Variants in ZFYVE26 observed in about 807,000 individuals in gnomAD.
ZFYVE26 encodes zinc finger FYVE-type containing 26, also known as zinc finger FYVE domain-containing protein 26.
A neutral mutation model predicts 276.5 loss-of-function variants in ZFYVE26; 181 were observed. The ratio of observed to expected loss-of-function variants is 0.65; its 90% CI spans 0.58 to 0.74. The LOEUF (loss-of-function observed/expected upper bound fraction) is 0.74. Ranked by LOEUF, ZFYVE26 falls within the 30% of genes least tolerant of loss-of-function variation. The pLI, the probability that ZFYVE26 is intolerant of heterozygous loss-of-function variation, is 0.00. For missense variants in ZFYVE26, 2,821 were observed against 3,097.9 expected (o/e 0.91, Z 2.12); for synonymous variants, 1,129 against 1,203.1 (o/e 0.94, Z 1.27).
intron 12 of ZFYVE26, among the ~76,000 whole-genome samples, chr14:67,795,313 G>A (rs908048162): frequency 2.0e-5 from 3 of 152,148 alleles, no homozygotes; most frequent in Non-Finnish European, 4.4e-5. Context: ...TTTCTCTCAC[G>A]GCATCCTCCG....
rs774549352 is a variant in ZFYVE26 at position 67,785,184 on chromosome 14, A to T, written c.3398T>A (p.Leu1133His). The T allele has an allele frequency of 6.2e-7, 1 of 1,614,028 alleles. No homozygotes were observed. The highest frequency in any genetic ancestry group is 1.1e-5 in the South Asian group (1 of 91,076). ...EAHPVQIQTQ[L>H]LQKNLGKQTP... ...CTGTTTGCCCAGGTTCTTCTGGAGG[A>T]GCTGAGTCTGGATCTGCACAGGGTG... The change falls in exon 19 of 42, where the codon CTC (leucine) becomes CAC (histidine). Residue 1133 changes from leucine (L) to histidine (H), a missense_variant. Transcript: ENST00000347230.
Position 67,757,817 on chromosome 14 carries a change from C to T in ZFYVE26, c.6589-1672G>A, listed in dbSNP as rs534858957. ...GCAACCTCCGCCTCCTGGGTTCAAG[C>T]GATTCTCCTGCCTCAGCCTCCCAAG... On this transcript the variant is annotated intron_variant, in intron 35 of 41. Coordinates refer to ENST00000347230, the MANE Select transcript of ZFYVE26 (RefSeq NM_015346.4). Among the ~76,000 whole-genome samples, 573 of 152,182 alleles carry T rather than the reference C, an allele frequency of 3.8e-3. 2 individuals carry two copies. The highest frequency in any genetic ancestry group is 0.013 in the African/African-American group (536 of 41,534).
chr14:67,744,323 G>A (rs565189907), downstream of ZFYVE26, among the ~76,000 whole-genome samples: 39 of 152,086 alleles, frequency 2.6e-4, no homozygotes, highest in Non-Finnish European at 4.6e-4. Context: ...TTTGTGCTAC[G>A]TCTACTACCA....
chr14:67,754,957 A>G, intron 37 of ZFYVE26, 94 bp downstream of exon 37: 1 of 1,413,220 alleles, frequency 7.1e-7, no homozygotes, highest in Non-Finnish European at 1.0e-6. Context: ...TTTTTTCAGG[A>G]TTCAAGGAAT....
chr14:67,777,869 T>C (rs1345052666), intron 24 of ZFYVE26, 134 bp from the exon 25 acceptor site: 5 of 1,213,028 alleles, frequency 4.1e-6, no homozygotes, highest in Non-Finnish European at 2.4e-6. Context: ...TTTTTTTTTT[T>C]AACCACCTCT....
At chr14:67,768,390 G>C in intron 30 of ZFYVE26, 127 bp downstream of exon 30, 1 of 1,055,652 alleles carries the variant, frequency 9.5e-7, no homozygotes, top group South Asian at 1.3e-5. Flanking sequence ...CCAAGAATTT[G>C]CTTTGGCAAA....
At chr14:67,775,225 G>T in intron 26 of ZFYVE26, 111 bp from the exon 27 acceptor site, 1 of 707,528 alleles carries the variant, frequency 1.4e-6, no homozygotes, top group African/African-American at 1.8e-5. Context: ...GTCATTCCAT[G>T]ACTCTACTAG....
Position 67,789,357 on chromosome 14 carries a change from C to A in ZFYVE26, c.2997G>T (p.Leu999Phe), listed in dbSNP as rs756442572. ...KQLLETAERRLNSSLERRGRR... is the reference protein window; with the variant it reads ...KQLLETAERRFNSSLERRGRR... ...CACCCCGCCTTTCAAGGCTACTATT[C>A]AAACGCCGTTCGGCTGTCTCCAAAA... Residue 999 changes from leucine (L) to phenylalanine (F), a missense_variant, in exon 16 of 42, where the codon TTG (leucine) becomes TTT (phenylalanine). Coordinates refer to ENST00000347230, the MANE Select transcript of ZFYVE26 (RefSeq NM_015346.4). 2 of 1,614,202 alleles carry A rather than the reference C, an allele frequency of 1.2e-6. No homozygotes were observed. The highest frequency in any genetic ancestry group is 8.5e-7 in the Non-Finnish European group (1 of 1,180,048).
At position 67,785,842 on chromosome 14, in the gene ZFYVE26, G is replaced by A. The variant is rs761787362; in HGVS notation, c.3304+16C>T. The A allele has an allele frequency of 3.7e-6, 6 of 1,613,954 alleles. No individual in the cohort carries two copies. In the South Asian group the frequency reaches 5.5e-5, roughly 15 times the overall value. Reference sequence around the variant, plus strand: ...CAGTTCAGCTTTTATTTGTTCCCAAGCAGACAGCCTTATACCTGGCAGCTC... The same window carrying A: ...CAGTTCAGCTTTTATTTGTTCCCAAACAGACAGCCTTATACCTGGCAGCTC... On this transcript the variant is annotated intron_variant, in intron 18 of 41. Coordinates refer to ENST00000347230, the MANE Select transcript of ZFYVE26 (RefSeq NM_015346.4).
At chr14:67,792,301 A>G (rs2039835158) in intron 14 of ZFYVE26, among the ~76,000 whole-genome samples, 1 of 152,198 alleles carries the variant, frequency 6.6e-6, no homozygotes, top group South Asian at 2.1e-4. Context: ...TACCAGTAAA[A>G]GTATCATTAA....
At chr14:67,730,752 C>T (rs755203938) in intron 13 of ZFYVE26, among the ~76,000 whole-genome samples, 6 of 151,726 alleles carry the variant, frequency 4.0e-5, no homozygotes, top group Admixed American at 6.6e-5. Flanking sequence ...TACAGGTGCC[C>T]GCCACCACAC....
chr14:67,734,004 A>C (rs1594870524), intron 13 of ZFYVE26: 1 of 610,916 alleles, frequency 1.6e-6, no homozygotes. Flanking sequence ...ATGTTTGCAC[A>C]CCTGACACTC....
At chr14:67,745,675 G>T (rs896125710), downstream of ZFYVE26, among the ~76,000 whole-genome samples, 1 of 151,768 alleles carries the variant, frequency 6.6e-6, no homozygotes, top group African/African-American at 2.4e-5. Context: ...TTGACAATTT[G>T]GTTGATATTG....
chr14:67,813,160 T>C (rs2040336677), intron 3 of ZFYVE26, among the ~76,000 whole-genome samples: 1 of 152,134 alleles, frequency 6.6e-6, no homozygotes, highest in East Asian at 1.9e-4. Context: ...ACTGGCGAAA[T>C]TACAGACATT....
downstream of ZFYVE26, among the ~76,000 whole-genome samples, chr14:67,744,475 G>A (rs2038456868): frequency 6.6e-6 from 1 of 152,094 alleles, no homozygotes; most frequent in Non-Finnish European, 1.5e-5. Flanking sequence ...AGGTATACAT[G>A]TGCCGTGGTG....
At chr14:67,736,963 G>C (rs186484493) in intron 13 of ZFYVE26, among the ~76,000 whole-genome samples, 1 of 152,140 alleles carries the variant, frequency 6.6e-6, no homozygotes, top group East Asian at 1.9e-4. Flanking sequence ...TTGGGTGTGG[G>C]CAGCTTCCAG....
rs758160203 is a variant in ZFYVE26, at chr14:67,755,933, A to C, written c.6786+15T>G. 2.5e-6 allele frequency: 4 copies of C among 1,614,014 alleles called. No individual in the cohort carries two copies. The South Asian group carries it at 4.4e-5, about 18-fold the overall frequency. ...CCAGCAACAGAGGTAGAAGGCAGGAAGGGGCTGCCATTACCTTCATAAACT... is the reference window on the plus strand; with the variant it reads ...CCAGCAACAGAGGTAGAAGGCAGGACGGGGCTGCCATTACCTTCATAAACT... On this transcript the variant is annotated intron_variant, in intron 36 of 41. Transcript: ENST00000347230.
At chr14:67,741,793 C>A (rs77715706), downstream of ZFYVE26, among the ~76,000 whole-genome samples, 1,309 of 152,332 alleles carry the variant, frequency 8.6e-3, 27 homozygotes, top group African/African-American at 0.03. Flanking sequence ...AGTTCCCTGA[C>A]CTTCTCCTAA....
chr14:67,783,317 T>C lies in ZFYVE26; in HGVS notation c.3835A>G (p.Thr1279Ala). Residue 1279 changes from threonine to alanine, a missense_variant, in exon 21 of 42, where the codon ACT (threonine) becomes GCT (alanine). Transcript: ENST00000347230. ...PLSTPSSPRTTENPTLERKPY... is the reference protein window; with the variant it reads ...PLSTPSSPRTAENPTLERKPY... Reference sequence around the variant, plus strand: ...TTTCTTTCCAATGTAGGGTTCTCAGTTGTCCTCGGGGAGCTCGGTGTAGAA... The same window carrying C: ...TTTCTTTCCAATGTAGGGTTCTCAGCTGTCCTCGGGGAGCTCGGTGTAGAA... 1 of 1,613,132 alleles carries C rather than the reference T, an allele frequency of 6.2e-7. No homozygotes were observed. Among genetic ancestry groups the C allele is most frequent in the Non-Finnish European group, 8.5e-7 (1 of 1,179,238 alleles).
Sources: gnomAD v4.1 joint callset for allele counts (sites outside exome capture counted in the v4.1 genomes callset) on GRCh38, gnomAD v4.1.1 for gene constraint, MANE v1.5 for transcripts, NCBI Gene and HGNC (gene_info 2026-07-23, HGNC 2026-07-21) for gene names.